Variants in ANKS1B observed in about 807,000 individuals in gnomAD.
ANKS1B encodes the protein ankyrin repeat and sterile alpha motif domain-containing protein 1B.
ANKS1B carries 36 observed loss-of-function variants against 148.3 expected under a neutral mutation model. That is an observed-to-expected ratio of 0.24 (90% CI 0.19 to 0.32). The LOEUF is 0.32. ANKS1B is among the 10% of genes least tolerant of loss of function. ANKS1B has a pLI of 1.00. For missense variants in ANKS1B, 1,157 were observed against 1,542.6 expected (o/e 0.75, Z 4.19); for synonymous variants, 542 against 560.8 (o/e 0.97, Z 0.47).
intron 1 of ANKS1B, among the ~76,000 whole-genome samples, chr12:99,932,229 A>G (rs910413244): frequency 1.3e-5 from 2 of 152,156 alleles, no homozygotes; most frequent in Non-Finnish European, 2.9e-5. Context: ...TGCAATAAAC[A>G]TGGGGGTGTA....
At chr12:98,869,131 G>A (rs990601948) in intron 17 of ANKS1B, among the ~76,000 whole-genome samples, 2 of 152,168 alleles carry the variant, frequency 1.3e-5, no homozygotes. Context: ...GCCTTGTCTT[G>A]AGACATGTCA....
At chr12:99,878,922 C>T (rs1017151774) in intron 1 of ANKS1B, among the ~76,000 whole-genome samples, 5 of 152,026 alleles carry the variant, frequency 3.3e-5, no homozygotes, top group African/African-American at 4.8e-5. Context: ...TCCTGACAGT[C>T]TTTCTTCTGA....
intron 12 of ANKS1B, among the ~76,000 whole-genome samples, chr12:99,343,381 C>T (rs1446869770): frequency 3.3e-5 from 5 of 152,054 alleles, no homozygotes; most frequent in African/African-American, 1.2e-4. Context: ...GAACTTCAAA[C>T]ACTGTCTGAC....
At chr12:99,532,625 G>T (rs367741442) in intron 9 of ANKS1B, among the ~76,000 whole-genome samples, 3 of 152,166 alleles carry the variant, frequency 2.0e-5, no homozygotes, top group African/African-American at 7.2e-5. Context: ...CTCCCAAAGT[G>T]CTGGGATTAC....
chr12:99,835,723 G>A (rs2084743274), intron 1 of ANKS1B, among the ~76,000 whole-genome samples: 1 of 152,016 alleles, frequency 6.6e-6, no homozygotes, highest in Non-Finnish European at 1.5e-5. Context: ...ATATTGCACA[G>A]CACAGGGCAT....
At chr12:99,807,456 T>C (rs986139456) in intron 3 of ANKS1B, among the ~76,000 whole-genome samples, 6 of 152,108 alleles carry the variant, frequency 3.9e-5, no homozygotes, top group African/African-American at 1.4e-4. Flanking sequence ...CTTCAGACTA[T>C]TTGAGCAATA....
chr12:99,902,048 AAAC>A (rs778167792), intron 1 of ANKS1B, among the ~76,000 whole-genome samples: 12 of 152,256 alleles, frequency 7.9e-5, no homozygotes, highest in Admixed American at 3.9e-4. Context: ...ATATGGCAGT[AAAC>A]AACAATAAAC....
chr12:99,977,591 G>A (rs890590541), intron 1 of ANKS1B, among the ~76,000 whole-genome samples: 11 of 152,124 alleles, frequency 7.2e-5, no homozygotes, highest in African/African-American at 2.4e-4. Context: ...TCAATTAAAA[G>A]CCTCATCCAG....
chr12:99,030,435 C>T (rs966016859), intron 17 of ANKS1B, among the ~76,000 whole-genome samples: 6 of 152,042 alleles, frequency 3.9e-5, no homozygotes, highest in African/African-American at 1.4e-4. Context: ...TGCCTTCTTC[C>T]AGCTTCCCCC....
chr12:98,970,943 A>C (rs1413186299), intron 17 of ANKS1B, among the ~76,000 whole-genome samples: 1 of 152,176 alleles, frequency 6.6e-6, no homozygotes, highest in Non-Finnish European at 1.5e-5. Context: ...AGTTTACAAA[A>C]TTATTAATAC....
At chr12:99,515,279 C>T (rs530329289) in intron 9 of ANKS1B, among the ~76,000 whole-genome samples, 1 of 151,952 alleles carries the variant, frequency 6.6e-6, no homozygotes, top group Non-Finnish European at 1.5e-5. Flanking sequence ...TTCTTTCTAA[C>T]TATGTTTTGA....
At position 98,988,051 on chromosome 12, in the gene ANKS1B, T is replaced by C. The variant is rs74883060; in HGVS notation, c.2778+65106A>G. Among the ~76,000 whole-genome samples the C allele has an allele frequency of 7.5e-3, 1,143 of 152,350 alleles. 17 individuals are homozygous for C. Among genetic ancestry groups the C allele is most frequent in the African/African-American group, 0.025 (1,042 of 41,580 alleles). ...ATGCAACATGATGTTTTGAAGCATG[T>C]ATACATTGTGAAATGACTAAGTATA... On this transcript the variant is annotated intron_variant, in intron 17 of 26. Coordinates refer to ENST00000683438, the MANE Select transcript of ANKS1B (RefSeq NM_001352186.2).
intron 16 of ANKS1B, among the ~76,000 whole-genome samples, chr12:99,058,776 C>A (rs1351543123): frequency 1.7e-5 from 2 of 118,390 alleles, no homozygotes; most frequent in African/African-American, 6.6e-5. Flanking sequence ...CTCGCTCTGT[C>A]GCCCAGGCTG....
chr12:99,861,841 G>C (rs969054092), intron 1 of ANKS1B, among the ~76,000 whole-genome samples: 4 of 151,974 alleles, frequency 2.6e-5, no homozygotes, highest in Non-Finnish European at 5.9e-5. Flanking sequence ...GTATTCCAAA[G>C]CTGTTATACG....
chr12:99,771,281 T>C (rs2063166448), intron 8 of ANKS1B, among the ~76,000 whole-genome samples: 1 of 151,944 alleles, frequency 6.6e-6, no homozygotes, highest in African/African-American at 2.4e-5. Flanking sequence ...ATGCAGTCTA[T>C]ATATATATAA....
intron 16 of ANKS1B, among the ~76,000 whole-genome samples, chr12:99,055,252 T>C (rs938466117): frequency 6.6e-6 from 1 of 152,198 alleles, no homozygotes; most frequent in African/African-American, 2.4e-5. Flanking sequence ...GCCCCAGGAA[T>C]CTTCCTGACT....
intron 10 of ANKS1B, among the ~76,000 whole-genome samples, chr12:99,463,478 A>T (rs1217615427): frequency 6.6e-6 from 1 of 152,192 alleles, no homozygotes. Flanking sequence ...GAGCCGAAGC[A>T]GGGCGAGGCA....
At chr12:99,158,143 T>C (rs896700286) in intron 14 of ANKS1B, among the ~76,000 whole-genome samples, 1 of 152,180 alleles carries the variant, frequency 6.6e-6, no homozygotes, top group Non-Finnish European at 1.5e-5. Flanking sequence ...TATTTTCTCA[T>C]GAGTCAAATC....
intron 15 of ANKS1B, chr12:99,104,683 T>C (rs900561817): frequency 1.3e-5 from 2 of 152,190 alleles, no homozygotes; most frequent in Non-Finnish European, 2.9e-5. Context: ...AGGTTGTACA[T>C]CCTCTTACTC....
Sources: gnomAD v4.1 joint callset for allele counts (sites outside exome capture counted in the v4.1 genomes callset) on GRCh38, gnomAD v4.1.1 for gene constraint, MANE v1.5 for transcripts, NCBI Gene and HGNC (gene_info 2026-07-23, HGNC 2026-07-21) for gene names.